DLGAP2: variants seen among roughly 807,000 people sequenced by gnomAD.
The protein encoded by DLGAP2 is disks large-associated protein 2.
A neutral mutation model predicts 100.3 loss-of-function variants in DLGAP2; 26 were observed. The observed-to-expected ratio is 0.26, with a 90% CI of 0.19 to 0.36. The LOEUF is 0.36. Ranked by LOEUF, DLGAP2 falls within the 10% of genes least tolerant of loss-of-function variation. DLGAP2 has a pLI of 1.00. For missense variants in DLGAP2, 1,858 were observed against 1,453.2 expected (o/e 1.28, Z -4.53); for synonymous variants, 886 against 630.1 (o/e 1.41, Z -6.08).
intron 2 of DLGAP2, among the ~76,000 whole-genome samples, chr8:934,934 A>C (rs1264052125): frequency 6.6e-6 from 1 of 152,210 alleles, no homozygotes; most frequent in Admixed American, 6.5e-5. Flanking sequence ...AAGAGCATTC[A>C]GCATTCCCAT....
chr8:1,265,466 T>C (rs1799431959), intron 3 of DLGAP2, among the ~76,000 whole-genome samples: 1 of 152,154 alleles, frequency 6.6e-6, no homozygotes, highest in African/African-American at 2.4e-5. Flanking sequence ...GAAGATGGCT[T>C]GAGAAAGACA....
intron 2 of DLGAP2, chr8:1,002,085 G>A: frequency 6.6e-6 from 1 of 152,152 alleles, no homozygotes; most frequent in South Asian, 2.1e-4. Context: ...CTGCTTAAAT[G>A]AACGATGATG....
chr8:1,494,213 T>G (rs1267400079), intron 3 of DLGAP2, among the ~76,000 whole-genome samples: 1 of 152,268 alleles, frequency 6.6e-6, no homozygotes, highest in Non-Finnish European at 1.5e-5. Context: ...TCTTTTCTTA[T>G]GAGCAATTTC....
At chr8:860,542 G>A (rs908262168) in intron 1 of DLGAP2, among the ~76,000 whole-genome samples, 1 of 152,224 alleles carries the variant, frequency 6.6e-6, no homozygotes, top group Non-Finnish European at 1.5e-5. Context: ...CAAACCGTCT[G>A]CATTTGCATA....
At chr8:1,166,442 C>T (rs1797017933) in intron 2 of DLGAP2, among the ~76,000 whole-genome samples, 1 of 152,198 alleles carries the variant, frequency 6.6e-6, no homozygotes, top group African/African-American at 2.4e-5. Context: ...CTGTTCGTCT[C>T]CAGGAAGGAG....
intron 3 of DLGAP2, among the ~76,000 whole-genome samples, chr8:1,370,042 G>A (rs976901660): frequency 4.6e-5 from 7 of 152,100 alleles, no homozygotes; most frequent in African/African-American, 7.2e-5. Context: ...CCCAGTTGCG[G>A]TCCAGCCCCC....
intron 2 of DLGAP2, among the ~76,000 whole-genome samples, chr8:1,089,868 C>T (rs969641300): frequency 2.0e-5 from 3 of 152,240 alleles, no homozygotes; most frequent in Non-Finnish European, 4.4e-5. Context: ...GTTGGAGACA[C>T]ATGTGACAGT....
chr8:1,356,005 C>T (rs941725421), intron 3 of DLGAP2, among the ~76,000 whole-genome samples: 5 of 152,108 alleles, frequency 3.3e-5, no homozygotes, highest in East Asian at 1.9e-4. Flanking sequence ...TTGTGTATTT[C>T]CCCCCTCCCT....
chr8:1,455,868 C>T (rs575326249), intron 3 of DLGAP2, among the ~76,000 whole-genome samples: 1 of 152,178 alleles, frequency 6.6e-6, no homozygotes, highest in Admixed American at 6.5e-5. Flanking sequence ...GGCAGGCGGT[C>T]GGTCTGTCTT....
intron 3 of DLGAP2, among the ~76,000 whole-genome samples, chr8:1,344,009 C>A (rs1357949246): frequency 6.6e-6 from 1 of 152,006 alleles, no homozygotes; most frequent in East Asian, 1.9e-4. Flanking sequence ...ACGTCCTATT[C>A]ACAGATGTTT....
intron 2 of DLGAP2, among the ~76,000 whole-genome samples, chr8:924,292 C>T (rs1298473150): frequency 6.6e-6 from 1 of 152,166 alleles, no homozygotes; most frequent in Non-Finnish European, 1.5e-5. Flanking sequence ...ACAGTGAGGC[C>T]ATCTCTGTCC....
intron 2 of DLGAP2, among the ~76,000 whole-genome samples, chr8:1,106,982 A>G (rs1804795526): frequency 6.7e-6 from 1 of 149,332 alleles, no homozygotes; most frequent in Non-Finnish European, 1.5e-5. Flanking sequence ...CTTGCCAGAT[A>G]AGCAGAGTGA....
intron 3 of DLGAP2, among the ~76,000 whole-genome samples, chr8:1,389,711 A>G (rs1796303543): frequency 6.6e-6 from 1 of 152,120 alleles, no homozygotes; most frequent in Non-Finnish European, 1.5e-5. Context: ...ACGTCCTCCA[A>G]GGACAGCTGT....
At chr8:1,578,089 T>G (rs919182704) in intron 6 of DLGAP2, among the ~76,000 whole-genome samples, 3 of 152,248 alleles carry the variant, frequency 2.0e-5, no homozygotes, top group Admixed American at 1.3e-4. Context: ...TGAAAGTAAT[T>G]GGATACAGTG....
chr8:970,695 T>G (rs57409257), intron 2 of DLGAP2, among the ~76,000 whole-genome samples: 3,389 of 152,330 alleles, frequency 0.022, 120 homozygotes, highest in African/African-American at 0.076. Flanking sequence ...CATGTAATTA[T>G]TTTAACAAAT....
At chr8:989,586 TG>T (rs1584951581) in intron 2 of DLGAP2, among the ~76,000 whole-genome samples, 1 of 152,134 alleles carries the variant, frequency 6.6e-6, no homozygotes, top group Non-Finnish European at 1.5e-5. Context: ...CTTCCTGCCC[TG>T]GGGTCAGGCT....
chr8:1,530,069 C>G (rs1288200210), intron 4 of DLGAP2, among the ~76,000 whole-genome samples: 1 of 152,192 alleles, frequency 6.6e-6, no homozygotes, highest in African/African-American at 2.4e-5. Flanking sequence ...GCACCACTGT[C>G]ATTGATAACA....
chr8:1,206,768 C>G (rs1798004703), intron 2 of DLGAP2, among the ~76,000 whole-genome samples: 1 of 152,242 alleles, frequency 6.6e-6, no homozygotes, highest in Non-Finnish European at 1.5e-5. Context: ...GCCTACCTCT[C>G]TGCCATCGCT....
intron 3 of DLGAP2, among the ~76,000 whole-genome samples, chr8:1,382,048 C>G (rs574243122): frequency 2.0e-5 from 3 of 152,132 alleles, no homozygotes; most frequent in African/African-American, 7.2e-5. Context: ...GGTAGCAACC[C>G]CCTCATGCAG....
Sources: allele counts gnomAD v4.1 joint callset (sites outside exome capture counted in the v4.1 genomes callset), GRCh38; gene constraint gnomAD v4.1.1; transcripts MANE v1.5; gene names NCBI Gene and HGNC (gene_info 2026-07-23, HGNC 2026-07-21).